PUM2: variants seen among roughly 807,000 people sequenced by gnomAD.
PUM2 encodes the protein pumilio homolog 2.
PUM2 carries 57 observed loss-of-function variants against 124.5 expected under a neutral mutation model. That is an observed-to-expected ratio of 0.46 (90% CI 0.37 to 0.57). The LOEUF (loss-of-function observed/expected upper bound fraction) is 0.57. PUM2 is among the 20% of genes least tolerant of loss of function. The probability of loss-of-function intolerance (pLI) is 0.00; values close to 1 mark genes in which losing one functional copy is unlikely to be tolerated. For missense variants in PUM2, 1,065 were observed against 1,290.6 expected (o/e 0.83, Z 2.68); for synonymous variants, 460 against 446.1 (o/e 1.03, Z -0.39).
rs773602472 is a variant in PUM2 at position 20,308,537 on chromosome 2, C to A, written c.566G>T (p.Arg189Leu). Residue 189 changes from arginine to leucine, a missense_variant, in exon 6 of 21, where the codon CGC (arginine) becomes CTC (leucine). By Grantham distance (102) the Arg-to-Leu change is moderately radical. This residue lies in a region of PUM2 where 968 missense variants were observed against 1,159.8 expected (regional missense o/e 0.83). Coordinates refer to ENST00000361078, the MANE Select transcript of PUM2 (RefSeq NM_015317.5). ...TGAGGGATTAGTATTGGGGCCCAAG[C>A]GCTCAACTACTTCAGTTGGAGAGGC... ...RQASPTEVVE[R>L]LGPNTNPSEG... 3 of 1,613,804 alleles carry A rather than the reference C, an allele frequency of 1.9e-6. No individual in the cohort carries two copies. The highest frequency in any genetic ancestry group is 1.7e-6 in the Non-Finnish European group (2 of 1,179,864).
At chr2:20,277,140 A>C (rs1214532809) in intron 13 of PUM2, among the ~76,000 whole-genome samples, 2 of 152,128 alleles carry the variant, frequency 1.3e-5, no homozygotes, top group African/African-American at 4.8e-5. Flanking sequence ...CAAGAATCTG[A>C]TCTGAAACTT....
chr2:20,260,470 C>T lies in PUM2; in HGVS notation c.2226-4G>A. The T allele has an allele frequency of 6.2e-7, 1 of 1,600,264 alleles. No homozygotes were observed. Among genetic ancestry groups the T allele is most frequent in the South Asian group, 1.1e-5 (1 of 90,352 alleles). ...CTCTAGTTTTTGCTGTATGAATCTA[C>T]ATAGGGAACATTTTTAATATGACAA... On this transcript the variant is annotated splice_region_variant and splice_polypyrimidine_tract_variant and intron_variant, in intron 14 of 20. Transcript: ENST00000361078.
chr2:20,344,536 C>CCTATCT (rs1310896236), intron 1 of PUM2, among the ~76,000 whole-genome samples: 10 of 152,194 alleles, frequency 6.6e-5, no homozygotes, highest in African/African-American at 2.2e-4. Context: ...TGGGCTTCTA[C>CCTATCT]CTATCTCTCC....
At chr2:20,288,264 G>A (rs1673174158) in intron 10 of PUM2, among the ~76,000 whole-genome samples, 1 of 152,074 alleles carries the variant, frequency 6.6e-6, no homozygotes, top group African/African-American at 2.4e-5. Context: ...GCAATGAGAG[G>A]TGAAAAGGCT....
chr2:20,306,704 G>A (rs548959199), intron 7 of PUM2, among the ~76,000 whole-genome samples: 2 of 151,004 alleles, frequency 1.3e-5, no homozygotes, highest in Admixed American at 1.3e-4. Context: ...CGTCTCCCAG[G>A]TTCAAGCGAT....
At chr2:20,305,911 C>T (rs1452132747) in intron 7 of PUM2, among the ~76,000 whole-genome samples, 1 of 152,124 alleles carries the variant, frequency 6.6e-6, no homozygotes, top group Non-Finnish European at 1.5e-5. Flanking sequence ...AAAGACACAT[C>T]ACACCCTGGA....
chr2:20,319,041 T>C (rs905698673), intron 2 of PUM2, among the ~76,000 whole-genome samples: 1 of 152,234 alleles, frequency 6.6e-6, no homozygotes, highest in African/African-American at 2.4e-5. Context: ...TCATATCTTC[T>C]AGAATAGAAA....
chr2:20,255,227 G>C lies in PUM2; in HGVS notation c.2737C>G (p.Gln913Glu). The C allele has an allele frequency of 3.1e-6, 5 of 1,599,318 alleles. No homozygotes were observed. The highest frequency in any genetic ancestry group is 4.3e-6 in the Non-Finnish European group (5 of 1,166,912). Reference protein sequence around the residue: ...ILEELHQHTEQLVQDQYGNYV... With the variant: ...ILEELHQHTEELVQDQYGNYV... Reference sequence around the variant, plus strand: ...TAGGGAATTTATACCTGTACCAACTGCTCTGTATGTTGGTGGAGTTCTTCT... The same window carrying C: ...TAGGGAATTTATACCTGTACCAACTCCTCTGTATGTTGGTGGAGTTCTTCT... Residue 913 changes from glutamine to glutamate, a missense_variant, in exon 18 of 21, where the codon CAG becomes GAG. Around this residue, in one of 3 missense-constraint regions of PUM2, gnomAD observed 968 missense variants for 1,159.8 expected, o/e 0.83. Coordinates refer to ENST00000361078, the MANE Select transcript of PUM2 (RefSeq NM_015317.5).
At chr2:20,307,428 A>G (rs1237311892) in intron 7 of PUM2, among the ~76,000 whole-genome samples, 2 of 152,168 alleles carry the variant, frequency 1.3e-5, no homozygotes, top group Non-Finnish European at 1.5e-5. Flanking sequence ...ATACATACAT[A>G]CTGCATCAAT....
At chr2:20,293,321 A>C (rs1674689940) in intron 9 of PUM2, among the ~76,000 whole-genome samples, 1 of 152,246 alleles carries the variant, frequency 6.6e-6, no homozygotes. Flanking sequence ...ATTTGTCCAA[A>C]CATACAGATT....
intron 2 of PUM2, among the ~76,000 whole-genome samples, chr2:20,325,788 A>G (rs1439270726): frequency 6.6e-6 from 1 of 152,026 alleles, no homozygotes; most frequent in African/African-American, 2.4e-5. Context: ...CGCCCGGCTA[A>G]TTTTTTGTAT....
intron 14 of PUM2, among the ~76,000 whole-genome samples, chr2:20,260,781 T>A (rs1666009563): frequency 6.6e-6 from 1 of 152,148 alleles, no homozygotes; most frequent in South Asian, 2.1e-4. Context: ...ATACAATGTA[T>A]TACTAAACAT....
intron 8 of PUM2, among the ~76,000 whole-genome samples, chr2:20,295,391 T>G (rs747142866): frequency 6.6e-5 from 10 of 152,124 alleles, no homozygotes; most frequent in Non-Finnish European, 1.5e-4. Flanking sequence ...AGTCAAACTC[T>G]CGGTTTCACG....
intron 4 of PUM2, 150 bp downstream of exon 4, chr2:20,312,086 G>A: frequency 5.9e-6 from 4 of 683,518 alleles, no homozygotes; most frequent in Non-Finnish European, 9.3e-6. Context: ...CGTTTTTCAA[G>A]TGGCTAAGCA....
At chr2:20,333,087 G>A (rs1276921337) in intron 1 of PUM2, 2 of 152,114 alleles carry the variant, frequency 1.3e-5, no homozygotes, top group Non-Finnish European at 2.9e-5. Context: ...AGAAATGACA[G>A]TATCTTATTT....
intron 13 of PUM2, among the ~76,000 whole-genome samples, chr2:20,265,452 T>A (rs1395749981): frequency 2.6e-5 from 4 of 152,370 alleles, no homozygotes; most frequent in Non-Finnish European, 5.9e-5. Flanking sequence ...TATTTCTAAC[T>A]GTTCGTAACA....
rs552487565 is a variant in PUM2, at chr2:20,251,017, C to T, written c.*568G>A. On this transcript the variant is annotated 3_prime_UTR_variant, in exon 21 of 21. Coordinates refer to ENST00000361078, the MANE Select transcript of PUM2 (RefSeq NM_015317.5). ...ACCACTTTATTCTTGTCTACTTACTCGTTATTTGCATGATAGTTTGTGAAT... is the reference window on the plus strand; with the variant it reads ...ACCACTTTATTCTTGTCTACTTACTTGTTATTTGCATGATAGTTTGTGAAT... The T allele has an allele frequency of 9.4e-4, 143 of 152,598 alleles. No homozygotes were observed. The highest frequency in any genetic ancestry group is 6.9e-4 in the Non-Finnish European group (47 of 67,988). The allele number at this position is 152,598 out of a possible 1,614,324, so 9.5% of individuals were successfully genotyped here.
At chr2:20,352,108 C>T (rs1232340969), upstream of PUM2, 1 of 152,300 alleles carries the variant, frequency 6.6e-6, no homozygotes, top group East Asian at 1.9e-4. Flanking sequence ...CAAATTACAC[C>T]TCTGAGAACC....
At chr2:20,260,873 T>C (rs1242289454) in intron 14 of PUM2, among the ~76,000 whole-genome samples, 3 of 152,052 alleles carry the variant, frequency 2.0e-5, no homozygotes, top group East Asian at 1.9e-4. Context: ...AGAAAGCCAT[T>C]CTGGGTGACA....
Sources: allele counts gnomAD v4.1 joint callset (sites outside exome capture counted in the v4.1 genomes callset), GRCh38; gene constraint gnomAD v4.1.1; regional missense constraint gnomAD v4.1.1; transcripts MANE v1.5; gene names NCBI Gene and HGNC (gene_info 2026-07-23, HGNC 2026-07-21).